The following KCNAB1 variants were observed in gnomAD, a reference collection of about 807,000 sequenced individuals.
KCNAB1 encodes the protein voltage-gated potassium channel subunit beta-1.
In KCNAB1, 35 loss-of-function variants were observed where a neutral mutation model predicts 64.6. The observed-to-expected ratio is 0.54, with a 90% CI of 0.41 to 0.72. KCNAB1 has a LOEUF of 0.72. KCNAB1 is among the 30% of genes least tolerant of loss of function. The pLI is 0.00. For missense variants in KCNAB1, 401 were observed against 512.9 expected, an observed-to-expected ratio of 0.78 and a Z score of 2.11; for synonymous variants, 177 against 183.8, an observed-to-expected ratio of 0.96 and a Z score of 0.30.
intron 1 of KCNAB1, among the ~76,000 whole-genome samples, chr3:156,293,071 T>C (rs949850954): frequency 2.0e-5 from 3 of 152,222 alleles, no homozygotes; most frequent in Admixed American, 1.3e-4. Context: ...TCCCCTATGT[T>C]GTTTTCCATA....
chr3:156,231,180 T>C (rs1447430738), intron 1 of KCNAB1, among the ~76,000 whole-genome samples: 1 of 152,234 alleles, frequency 6.6e-6, no homozygotes, highest in African/African-American at 2.4e-5. Context: ...TAATCACATA[T>C]GATTACTTTT....
chr3:156,504,612 G>A (rs956106077), intron 8 of KCNAB1, among the ~76,000 whole-genome samples: 1 of 151,620 alleles, frequency 6.6e-6, no homozygotes, highest in Non-Finnish European at 1.5e-5. Context: ...TGGGTAAGAT[G>A]GTATCTTATG....
intron 8 of KCNAB1, among the ~76,000 whole-genome samples, chr3:156,506,918 T>A (rs1716871021): frequency 6.6e-6 from 1 of 152,194 alleles, no homozygotes; most frequent in Non-Finnish European, 1.5e-5. Context: ...ATTTCCCAAG[T>A]CATTTATACT....
At chr3:156,318,113 A>G (rs557599737) in intron 1 of KCNAB1, among the ~76,000 whole-genome samples, 1 of 152,348 alleles carries the variant, frequency 6.6e-6, no homozygotes, top group African/African-American at 2.4e-5. Flanking sequence ...GGAGACCTCA[A>G]GTGTGCTGGG....
At chr3:156,378,235 A>C (rs1711860836) in intron 1 of KCNAB1, among the ~76,000 whole-genome samples, 1 of 152,082 alleles carries the variant, frequency 6.6e-6, no homozygotes, top group Non-Finnish European at 1.5e-5. Flanking sequence ...ATCACTCCTA[A>C]GTGTTTGGGT....
intron 8 of KCNAB1, among the ~76,000 whole-genome samples, chr3:156,506,601 T>C (rs1173653899): frequency 6.6e-6 from 1 of 152,180 alleles, no homozygotes; most frequent in African/African-American, 2.4e-5. Flanking sequence ...TTCAGAGACA[T>C]AAAGCTCCAT....
At chr3:156,334,052 C>T (rs888721302) in intron 1 of KCNAB1, among the ~76,000 whole-genome samples, 1 of 152,134 alleles carries the variant, frequency 6.6e-6, no homozygotes, top group Non-Finnish European at 1.5e-5. Context: ...GGGTTCGTGT[C>T]ATGCTTTAAA....
intron 1 of KCNAB1, among the ~76,000 whole-genome samples, chr3:156,265,303 G>A (rs1335688664): frequency 2.6e-5 from 4 of 152,124 alleles, no homozygotes; most frequent in African/African-American, 9.7e-5. Context: ...TCCACAACTT[G>A]CATGTTTATA....
chr3:156,439,525 A>T (rs79088421), intron 2 of KCNAB1, among the ~76,000 whole-genome samples: 4,375 of 152,306 alleles, frequency 0.029, 103 homozygotes, highest in South Asian at 0.14. Flanking sequence ...CGGACCTTAA[A>T]ATCTCCATCT....
chr3:156,241,373 T>C (rs6768248), intron 1 of KCNAB1, among the ~76,000 whole-genome samples: 304 of 152,370 alleles, frequency 2.0e-3, no homozygotes, highest in Middle Eastern at 6.8e-3. Context: ...AATTTCTTTT[T>C]CTTAGAGCCA....
chr3:156,417,400 C>T (rs1266146284), intron 1 of KCNAB1, among the ~76,000 whole-genome samples: 3 of 152,180 alleles, frequency 2.0e-5, no homozygotes, highest in African/African-American at 7.2e-5. Context: ...TGCTGGAGCC[C>T]CTTGCATATG....
chr3:156,386,994 C>T (rs1352255600), intron 1 of KCNAB1, among the ~76,000 whole-genome samples: 1 of 141,720 alleles, frequency 7.1e-6, no homozygotes, highest in Non-Finnish European at 1.5e-5. Flanking sequence ...CTTTCTCTTG[C>T]TTGCTTGCTT....
At chr3:156,246,684 G>A (rs1220296652) in intron 1 of KCNAB1, among the ~76,000 whole-genome samples, 3 of 146,396 alleles carry the variant, frequency 2.0e-5, no homozygotes, top group African/African-American at 7.5e-5. Flanking sequence ...TATATATATT[G>A]TGCCATATTA....
At chr3:156,148,433 AAG>A (rs1181146373) in intron 1 of KCNAB1, among the ~76,000 whole-genome samples, 1 of 152,214 alleles carries the variant, frequency 6.6e-6, no homozygotes, top group African/African-American at 2.4e-5. Context: ...GAAGTTGGGA[AAG>A]AGAGAAACCA....
At chr3:156,128,712 C>G (rs1713812524) in intron 1 of KCNAB1, among the ~76,000 whole-genome samples, 1 of 152,126 alleles carries the variant, frequency 6.6e-6, no homozygotes, top group Non-Finnish European at 1.5e-5. Flanking sequence ...TTCAATGTTT[C>G]CCAAACTATG....
At chr3:156,283,966 C>G (rs1414563589) in intron 1 of KCNAB1, among the ~76,000 whole-genome samples, 5 of 151,680 alleles carry the variant, frequency 3.3e-5, no homozygotes, top group African/African-American at 9.7e-5. Flanking sequence ...TCTCTCAGCT[C>G]GTCAAAGTCA....
chr3:156,534,858 T>G (rs997552603), intron 13 of KCNAB1, among the ~76,000 whole-genome samples: 1 of 152,242 alleles, frequency 6.6e-6, no homozygotes, highest in Non-Finnish European at 1.5e-5. Context: ...GGGGCTTCTC[T>G]TGAAAATTCT....
intron 1 of KCNAB1, among the ~76,000 whole-genome samples, chr3:156,349,003 A>G (rs1724686656): frequency 6.6e-6 from 1 of 152,236 alleles, no homozygotes; most frequent in Non-Finnish European, 1.5e-5. Context: ...GAAGAACGTT[A>G]TAAGAAATCA....
intron 12 of KCNAB1, 24 bp downstream of exon 12, chr3:156,523,971 G>A: frequency 6.2e-7 from 1 of 1,607,266 alleles, no homozygotes. Context: ...TAAGCTATGG[G>A]GTGGTAGAGG....
Sources: gnomAD v4.1 joint callset for allele counts (sites outside exome capture counted in the v4.1 genomes callset) on GRCh38, gnomAD v4.1.1 for gene constraint, MANE v1.5 for transcripts, NCBI Gene and HGNC (gene_info 2026-07-23, HGNC 2026-07-21) for gene names.